Variants in NME2 observed in about 807,000 individuals in gnomAD.
The protein encoded by NME2 is nucleoside diphosphate kinase B.
NME2 carries 18 observed loss-of-function variants against 17.8 expected under a neutral mutation model. The observed-to-expected ratio is 1.01, with a 90% confidence interval of 0.70 to 1.50. The LOEUF is 1.50. Ranked by LOEUF, NME2 falls within the 40% of genes most tolerant of loss-of-function variation. NME2 has a pLI of 0.00. For missense variants in NME2, 161 were observed against 195.6 expected, an observed-to-expected ratio of 0.82 and a Z score of 1.05; for synonymous variants, 74 against 71.4, an observed-to-expected ratio of 1.04 and a Z score of -0.19.
chr17:51,166,708 A>G, intron 1 of NME2, 119 bp from the exon 2 acceptor site: 1 of 1,069,054 alleles, frequency 9.4e-7, no homozygotes, highest in South Asian at 2.6e-5. Flanking sequence ...GCGGCCGGGA[A>G]GCCACGTGTC....
chr17:51,168,170 A>C (rs1038137813), intron 2 of NME2, 72 bp from the exon 3 acceptor site: 6 of 1,484,540 alleles, frequency 4.0e-6, no homozygotes, highest in Non-Finnish European at 5.6e-6. Flanking sequence ...GGACTTGCTA[A>C]TGGGAGGTTC....
chr17:51,166,983 C>G, intron 2 of NME2, 27 bp downstream of exon 2: 4 of 1,610,238 alleles, frequency 2.5e-6, no homozygotes, highest in Non-Finnish European at 3.4e-6. Context: ...TCCCCTTCCC[C>G]GCTGCAGCCG....
chr17:51,166,671 G>A (rs2049945744), intron 1 of NME2, 156 bp from the exon 2 acceptor site: 2 of 688,470 alleles, frequency 2.9e-6, no homozygotes, highest in Non-Finnish European at 4.0e-6. Flanking sequence ...GCTCCGCAGA[G>A]GGACGCCGGC....
At chr17:51,168,732 T>C (rs1209011449) in intron 3 of NME2, among the ~76,000 whole-genome samples, 1 of 152,004 alleles carries the variant, frequency 6.6e-6, no homozygotes, top group East Asian at 1.9e-4. Context: ...TTAAATAGAA[T>C]CTCACTGCCT....
chr17:51,167,419 C>G (rs2049970413), intron 2 of NME2: 1 of 202,716 alleles, frequency 4.9e-6, no homozygotes, highest in South Asian at 6.6e-5. Context: ...GGGCACAGAT[C>G]TGAATCCCTA....
In NME2 at chr17:51,166,872, C is replaced by T. The variant is rs755956732; in HGVS notation, c.42C>T (p.Asp14=). 4 of 1,613,708 alleles carry T rather than the reference C, an allele frequency of 2.5e-6. No homozygotes were observed. The highest frequency in any genetic ancestry group is 3.4e-6 in the Non-Finnish European group (4 of 1,179,796). ...GCACCTTCATCGCCATCAAGCCGGACGGCGTGCAGCGCGGCCTGGTGGGCG... is the reference window on the plus strand; with the variant it reads ...GCACCTTCATCGCCATCAAGCCGGATGGCGTGCAGCGCGGCCTGGTGGGCG... The part of the protein sequence containing the change: ...LERTFIAIKP[D]GVQRGLVGEI... Residue 14 remains aspartate, a synonymous_variant, in exon 2 of 5, where the codon GAC becomes GAT. Transcript: ENST00000512737.
chr17:51,167,494 A>C (rs766547933), intron 2 of NME2, among the ~76,000 whole-genome samples: 1 of 152,224 alleles, frequency 6.6e-6, no homozygotes, highest in Non-Finnish European at 1.5e-5. Context: ...GAATGTTCTC[A>C]GTTATTATCT....
Position 51,171,683 on chromosome 17 carries a change from G to C in NME2, c.*79G>C, listed in dbSNP as rs1019332699. On this transcript the variant is annotated 3_prime_UTR_variant, in exon 5 of 5. Transcript: ENST00000512737. ...CAGCTCTTCATTCCATTGACTTAGA[G>C]GCAACAGGATTGATCATTCTTTTAT... 9.3e-6 allele frequency: 10 copies of C among 1,078,288 alleles called. No individual in the cohort carries two copies. The African/African-American group carries it at 1.3e-4, about 14-fold the overall frequency. The allele number at this position is 1,078,288 out of a possible 1,614,324, so 66.8% of individuals were successfully genotyped here. A position where few individuals can be genotyped will look rare whatever the true frequency, so the allele number is the denominator to read the frequency against.
At chr17:51,166,352 G>A (rs1048302875), upstream of NME2, 3 of 152,364 alleles carry the variant, frequency 2.0e-5, no homozygotes, top group Non-Finnish European at 4.4e-5. Flanking sequence ...GCGTTCCTGC[G>A]GGTTGGGCGG....
Position 51,166,931 on chromosome 17 carries a change from G to A in NME2, c.101G>A (p.Arg34His). Residue 34 changes from arginine (R) to histidine (H), a missense_variant, in exon 2 of 5, where the codon CGC (arginine) becomes CAC (histidine). Arg to His is a conservative substitution (Grantham distance 29). Coordinates refer to ENST00000512737, the MANE Select transcript of NME2 (RefSeq NM_002512.4). ...AAGCGCTTCGAGCAGAAGGGATTCC[G>A]CCTCGTGGCCATGAAGTTCCTCCGG... ...IIKRFEQKGF[R>H]LVAMKFLRAS... The A allele has an allele frequency of 6.2e-7, 1 of 1,613,664 alleles. No homozygotes were observed. The highest frequency in any genetic ancestry group is 8.5e-7 in the Non-Finnish European group (1 of 1,179,842).
At chr17:51,168,160 G>A (rs1351425277) in intron 2 of NME2, 82 bp from the exon 3 acceptor site, 4 of 1,344,342 alleles carry the variant, frequency 3.0e-6, no homozygotes, top group Non-Finnish European at 3.1e-6. Context: ...ATATAAAACC[G>A]GACTTGCTAA....
intron 1 of NME2, 67 bp downstream of exon 1, chr17:51,166,564 G>A (rs572479389): frequency 1.2e-5 from 3 of 246,240 alleles, no homozygotes; most frequent in African/African-American, 2.3e-5. Flanking sequence ...GCTGCCGCAG[G>A]TGGGCCCGGT....
chr17:51,168,875 A>G (rs1431141325), intron 3 of NME2, among the ~76,000 whole-genome samples: 1 of 150,536 alleles, frequency 6.6e-6, no homozygotes, highest in Non-Finnish European at 1.5e-5. Context: ...AAGCACGAGA[A>G]TCGCTTGAAC....
Position 51,167,022 on chromosome 17 carries a change from C to T in NME2, c.126+66C>T, listed in dbSNP as rs1445143367. 6 of 1,607,744 alleles carry T rather than the reference C, an allele frequency of 3.7e-6. No individual in the cohort carries two copies. The Admixed American group carries it at 1.0e-4, about 27-fold the overall frequency. On this transcript the variant is annotated intron_variant, in intron 2 of 4. Transcript: ENST00000512737. ...CGCGGGTGTTTTTCCCTCCCGGCGG[C>T]GGTTTGTCCGCGTCTGCTTTCCGAG...
At chr17:51,170,421 T>C (rs1175816673) in intron 4 of NME2, among the ~76,000 whole-genome samples, 6 of 152,092 alleles carry the variant, frequency 3.9e-5, no homozygotes, top group Middle Eastern at 3.4e-3. Flanking sequence ...ATTACAGACA[T>C]GAGCCACCGC....
intron 4 of NME2, 70 bp from the exon 5 acceptor site, chr17:51,171,417 C>A: frequency 7.4e-7 from 1 of 1,345,336 alleles, no homozygotes; most frequent in Non-Finnish European, 1.1e-6. Flanking sequence ...GAGTGCTGTC[C>A]ATTGCGGTAC....
Position 51,166,952 on chromosome 17 carries a change from T to C in NME2, c.122T>C (p.Leu41Pro). The C allele has an allele frequency of 6.2e-7, 1 of 1,613,336 alleles. No homozygotes were observed. The highest frequency in any genetic ancestry group is 8.5e-7 in the Non-Finnish European group (1 of 1,179,750). ...KGFRLVAMKFLRASEEHLKQH... is the reference protein window; with the variant it reads ...KGFRLVAMKFPRASEEHLKQH... ...TTCCGCCTCGTGGCCATGAAGTTCC[T>C]CCGGGTAACTCGCCCCCGTCTCCCC... The change falls in exon 2 of 5, where the codon CTC becomes CCC. Residue 41 changes from leucine (L) to proline (P), a missense_variant. Coordinates refer to ENST00000512737, the MANE Select transcript of NME2 (RefSeq NM_002512.4).
intron 4 of NME2, among the ~76,000 whole-genome samples, chr17:51,170,407 T>TG (rs1255233202): frequency 6.6e-6 from 1 of 152,026 alleles, no homozygotes; most frequent in Non-Finnish European, 1.5e-5. Flanking sequence ...CCCAAGGTGC[T>TG]GGGATTACAG....
chr17:51,166,805 G>A, intron 1 of NME2, 22 bp from the exon 2 acceptor site: 1 of 1,597,594 alleles, frequency 6.3e-7, no homozygotes, highest in Non-Finnish European at 8.5e-7. Context: ...CCCGGGCCCT[G>A]ACCGCACCTC....
Sources: allele counts gnomAD v4.1 joint callset (sites outside exome capture counted in the v4.1 genomes callset), GRCh38; gene constraint gnomAD v4.1.1; transcripts MANE v1.5; gene names NCBI Gene and HGNC (gene_info 2026-07-23, HGNC 2026-07-21).